Variants in CMC2 observed in about 807,000 individuals in gnomAD.
The protein encoded by CMC2 is COX assembly mitochondrial protein 2 homolog.
A neutral mutation model predicts 7.5 loss-of-function variants in CMC2; 5 were observed. The ratio of observed to expected loss-of-function variants is 0.66; its 90% CI spans 0.35 to 1.40. CMC2 has a LOEUF of 1.40. Among genes scored for constraint, CMC2 ranks in the 40% most tolerant of loss-of-function variants. The pLI is 0.04. For missense variants in CMC2, 115 were observed against 92.3 expected (o/e 1.25, Z -1.01); for synonymous variants, 37 against 31.4 (o/e 1.18, Z -0.60).
rs1567498724 is a variant in CMC2 at position 80,971,456 on chromosome 16, A to ATTT, written c.*4636_*4637insAAA. On this transcript the variant is annotated 3_prime_UTR_variant, in exon 4 of 4. Transcript: ENST00000219400. ...TTATCAACATAGTATTTTTTTTTTAAAAAAAAAAGGTACGCTACCAAAGGC... is the reference window on the plus strand; with the variant it reads ...TTATCAACATAGTATTTTTTTTTTAATTTAAAAAAAAGGTACGCTACCAAAGGC... 56 of 132,222 alleles carry ATTT rather than the reference A, an allele frequency of 4.2e-4. No individual in the cohort carries two copies. Among genetic ancestry groups the ATTT allele is most frequent in the African/African-American group, 1.7e-3 (49 of 28,738 alleles). The allele number at this position is 132,222 out of a possible 1,614,324, so 8.2% of individuals were successfully genotyped here. A position where few individuals can be genotyped will look rare whatever the true frequency, so the allele number is the denominator to read the frequency against.
chr16:80,992,029 G>T, intron 2 of CMC2: 1 of 433,996 alleles, frequency 2.3e-6, no homozygotes, highest in Non-Finnish European at 4.6e-6. Flanking sequence ...TTTAAATAAC[G>T]ATCATGTATC....
At position 80,971,584 on chromosome 16, in the gene CMC2, A is replaced by ATGTGTGTG. The variant is rs1555512301; in HGVS notation, c.*4508_*4509insCACACACA. ...ACATTTTATATATATATATATATAT[A>ATGTGTGTG]TGTATGAAATCATGCATATATATAT... On this transcript the variant is annotated 3_prime_UTR_variant, in exon 4 of 4. Coordinates refer to ENST00000219400, the MANE Select transcript of CMC2 (RefSeq NM_020188.5). 1 of 139,546 alleles carries ATGTGTGTG rather than the reference A, an allele frequency of 7.2e-6. No homozygotes were observed. The highest frequency in any genetic ancestry group is 2.1e-4 in the South Asian group (1 of 4,676). 8.6% of individuals were successfully genotyped at this position (139,546 alleles called of 1,614,324 possible).
At position 80,975,995 on chromosome 16, in the gene CMC2, C is replaced by T; in HGVS notation, c.*98G>A. The T allele has an allele frequency of 1.4e-6, 1 of 714,954 alleles. No individual in the cohort carries two copies. The highest frequency in any genetic ancestry group is 1.6e-5 in the South Asian group (1 of 64,290). The allele number at this position is 714,954 out of a possible 1,614,324, so 44.3% of individuals were successfully genotyped here. A position where few individuals can be genotyped will look rare whatever the true frequency, so the allele number is the denominator to read the frequency against. On this transcript the variant is annotated 3_prime_UTR_variant, in exon 4 of 4. Coordinates refer to ENST00000219400, the MANE Select transcript of CMC2 (RefSeq NM_020188.5). ...AATCTCTCACAGGTCACTTTCCATT[C>T]AAAGGATTATGGAGACCAAATAAGA...
At chr16:80,993,750 G>C (rs1379919798) in intron 2 of CMC2, among the ~76,000 whole-genome samples, 1 of 152,074 alleles carries the variant, frequency 6.6e-6, no homozygotes, top group Non-Finnish European at 1.5e-5. Context: ...AACACGAACT[G>C]CCTGCTGATA....
intron 1 of CMC2, among the ~76,000 whole-genome samples, chr16:81,004,873 T>C (rs1456409129): frequency 6.6e-6 from 1 of 152,228 alleles, no homozygotes; most frequent in African/African-American, 2.4e-5. Flanking sequence ...TTAACTCTAG[T>C]ATAAAGAAAA....
intron 1 of CMC2, among the ~76,000 whole-genome samples, chr16:81,005,221 G>C (rs1969176186): frequency 6.6e-6 from 1 of 152,150 alleles, no homozygotes; most frequent in African/African-American, 2.4e-5. Flanking sequence ...TTGAGGTCAG[G>C]ACAAGCCTGG....
At chr16:80,990,377 C>T (rs185195272) in intron 2 of CMC2, among the ~76,000 whole-genome samples, 1 of 152,256 alleles carries the variant, frequency 6.6e-6, no homozygotes, top group African/African-American at 2.4e-5. Context: ...GTGATGTTGG[C>T]CAGGCTGGTC....
Position 80,966,664 on chromosome 16 carries a change from G to A in CMC2, c.*9429C>T, listed in dbSNP as rs1911574388. 6.6e-6 allele frequency: 1 copy of A among 152,064 alleles called. No homozygotes were observed. The highest frequency in any genetic ancestry group is 2.1e-4 in the South Asian group (1 of 4,828). The allele number at this position is 152,064 out of a possible 1,614,324, so 9.4% of individuals were successfully genotyped here. A position where few individuals can be genotyped will look rare whatever the true frequency, so the allele number is the denominator to read the frequency against. ...TTATCTTCAGGATGTATCACCTTCT[G>A]GAGATGTAAAGTCAAAATATTGTAT... is the stretch of plus-strand genomic sequence containing the variant. On this transcript the variant is annotated 3_prime_UTR_variant, in exon 4 of 4. Transcript: ENST00000219400.
rs1567499219 is a variant in CMC2 at position 80,972,306 on chromosome 16, T to A, written c.*3787A>T. ...GGGGCACAAATTTCAATATCAGGGT[T>A]TCAATATCAGGGTGTAGTGAAAGGA... On this transcript the variant is annotated 3_prime_UTR_variant, in exon 4 of 4. Coordinates refer to ENST00000219400, the MANE Select transcript of CMC2 (RefSeq NM_020188.5). 6.6e-6 allele frequency: 1 copy of A among 152,196 alleles called. No individual in the cohort carries two copies. The highest frequency in any genetic ancestry group is 2.4e-5 in the African/African-American group (1 of 41,438). 9.4% of individuals were successfully genotyped at this position (152,196 alleles called of 1,614,324 possible).
chr16:80,995,613 C>T (rs976435083), intron 2 of CMC2, among the ~76,000 whole-genome samples: 10 of 152,086 alleles, frequency 6.6e-5, no homozygotes, highest in African/African-American at 2.4e-4. Context: ...GCCAAGATCG[C>T]GCCACTACAC....
At chr16:80,994,812 G>A (rs1258965441) in intron 2 of CMC2, among the ~76,000 whole-genome samples, 3 of 152,138 alleles carry the variant, frequency 2.0e-5, no homozygotes, top group Admixed American at 6.5e-5. Flanking sequence ...CCATTCCTAG[G>A]TATTTACCCA....
In CMC2 at chr16:80,973,690, C is replaced by T. The variant is rs1419192337; in HGVS notation, c.*2403G>A. The T allele has an allele frequency of 6.6e-6, 1 of 152,210 alleles. No individual in the cohort carries two copies. Among genetic ancestry groups the T allele is most frequent in the Admixed American group, 6.5e-5 (1 of 15,270 alleles). The allele number at this position is 152,210 out of a possible 1,614,324, so 9.4% of individuals were successfully genotyped here. ...CCACCTGTGTCCTCAGCTCATGCCA[C>T]CCTCCCCCTTGCTCACTGTGCTCCA... On this transcript the variant is annotated 3_prime_UTR_variant, in exon 4 of 4. Transcript: ENST00000219400.
chr16:80,976,007 G>A lies in CMC2; in HGVS notation c.*86C>T, dbSNP rs1013786363. ...GTCACTTTCCATTCAAAGGATTATG[G>A]AGACCAAATAAGACAGGATTCTTTC... On this transcript the variant is annotated 3_prime_UTR_variant, in exon 4 of 4. Coordinates refer to ENST00000219400, the MANE Select transcript of CMC2 (RefSeq NM_020188.5). The A allele has an allele frequency of 4.4e-5, 34 of 764,150 alleles. No homozygotes were observed. The highest frequency in any genetic ancestry group is 8.0e-5 in the Admixed American group (4 of 50,214). 47.3% of individuals were successfully genotyped at this position (764,150 alleles called of 1,614,324 possible). A position where few individuals can be genotyped will look rare whatever the true frequency, so the allele number is the denominator to read the frequency against.
chr16:80,990,110 T>TTG (rs1193105920), intron 2 of CMC2, among the ~76,000 whole-genome samples: 1 of 151,942 alleles, frequency 6.6e-6, no homozygotes, highest in Non-Finnish European at 1.5e-5. Context: ...CCCTCCCCTT[T>TTG]TTTTGAGTAT....
chr16:80,972,661 A>C lies in CMC2; in HGVS notation c.*3432T>G, dbSNP rs1466723391. ...ATTCTGCAAAACTAGATTTCTCAGG[A>C]AAACCTTGGCCTAAGTTCTTCAGCT... is the stretch of plus-strand genomic sequence containing the variant. On this transcript the variant is annotated 3_prime_UTR_variant, in exon 4 of 4. Coordinates refer to ENST00000219400, the MANE Select transcript of CMC2 (RefSeq NM_020188.5). 5 of 152,214 alleles carry C rather than the reference A, an allele frequency of 3.3e-5. No homozygotes were observed. The highest frequency in any genetic ancestry group is 1.2e-4 in the African/African-American group (5 of 41,458). The allele number at this position is 152,214 out of a possible 1,614,324, so 9.4% of individuals were successfully genotyped here. A position where few individuals can be genotyped will look rare whatever the true frequency, so the allele number is the denominator to read the frequency against.
At position 80,972,627 on chromosome 16, in the gene CMC2, G is replaced by A. The variant is rs540975233; in HGVS notation, c.*3466C>T. 2 of 152,250 alleles carry A rather than the reference G, an allele frequency of 1.3e-5. No individual in the cohort carries two copies. The highest frequency in any genetic ancestry group is 1.9e-4 in the East Asian group (1 of 5,184). The allele number at this position is 152,250 out of a possible 1,614,324, so 9.4% of individuals were successfully genotyped here. On this transcript the variant is annotated 3_prime_UTR_variant, in exon 4 of 4. Coordinates refer to ENST00000219400, the MANE Select transcript of CMC2 (RefSeq NM_020188.5). ...AATTCACTGTCACCAGAGCATCAAG[G>A]TTCACAACATTCTGCAAAACTAGAT...
intron 2 of CMC2, among the ~76,000 whole-genome samples, chr16:80,986,231 T>C (rs1967523082): frequency 1.3e-5 from 2 of 152,032 alleles, no homozygotes; most frequent in African/African-American, 2.4e-5. Flanking sequence ...GTACCTGTAA[T>C]CCCAGCTACT....
intron 2 of CMC2, among the ~76,000 whole-genome samples, chr16:80,989,698 A>G (rs1023327182): frequency 2.6e-5 from 2 of 75,706 alleles, no homozygotes; most frequent in African/African-American, 6.4e-5. Flanking sequence ...ATAGACACAC[A>G]TTATCTATTC....
chr16:80,988,550 G>A (rs1351876107), intron 2 of CMC2: 19 of 701,606 alleles, frequency 2.7e-5, no homozygotes, highest in Non-Finnish European at 4.4e-5. Flanking sequence ...ATATACACCC[G>A]AGCTTTTCTT....
Sources: gnomAD v4.1 joint callset for allele counts (sites outside exome capture counted in the v4.1 genomes callset) on GRCh38, gnomAD v4.1.1 for gene constraint, MANE v1.5 for transcripts, NCBI Gene and HGNC (gene_info 2026-07-23, HGNC 2026-07-21) for gene names.